The following STK38L variants were observed in gnomAD, a reference collection of about 807,000 sequenced individuals.
STK38L encodes the protein serine/threonine-protein kinase 38-like.
A neutral mutation model predicts 59.7 loss-of-function variants in STK38L; 28 were observed. The ratio of observed to expected loss-of-function variants is 0.47; its 90% confidence interval spans 0.35 to 0.64. The LOEUF (loss-of-function observed/expected upper bound fraction) is 0.64. Ranked by LOEUF, STK38L falls within the 30% of genes least tolerant of loss-of-function variation. The pLI is 0.01. For missense variants in STK38L, 314 were observed against 555.8 expected (o/e 0.56, Z 4.37); for synonymous variants, 162 against 176.8 (o/e 0.92, Z 0.66).
chr12:27,305,074 TG>T (rs1285121424), intron 3 of STK38L, among the ~76,000 whole-genome samples: 2 of 152,344 alleles, frequency 1.3e-5, no homozygotes, highest in Admixed American at 1.3e-4. Flanking sequence ...TGGTGGGGAC[TG>T]ACAAATTAGG....
chr12:27,253,724 G>A (rs1943026447), intron 1 of STK38L, among the ~76,000 whole-genome samples: 1 of 152,194 alleles, frequency 6.6e-6, no homozygotes, highest in African/African-American at 2.4e-5. Flanking sequence ...CTTGAAGGGT[G>A]AGGAGGAGTG....
At chr12:27,310,510 G>A (rs111688149) in intron 5 of STK38L, among the ~76,000 whole-genome samples, 4,465 of 151,878 alleles carry the variant, frequency 0.029, 93 homozygotes, top group South Asian at 0.095. Flanking sequence ...GCCACATGTG[G>A]CTACTGGGCA....
At chr12:27,288,146 G>A (rs868019218) in intron 1 of STK38L, among the ~76,000 whole-genome samples, 2 of 152,024 alleles carry the variant, frequency 1.3e-5, no homozygotes, top group Non-Finnish European at 2.9e-5. Context: ...CCTTCCAAAG[G>A]GGTTACAGAG....
At position 27,325,378 on chromosome 12, in the gene STK38L, TA is replaced by T. The variant is rs1944817264; in HGVS notation, c.*2924del. 1 of 152,208 alleles carries T rather than the reference TA, an allele frequency of 6.6e-6. No homozygotes were observed. Among genetic ancestry groups the T allele is most frequent in the African/African-American group, 2.4e-5 (1 of 41,464 alleles). 9.4% of individuals were successfully genotyped at this position (152,208 alleles called of 1,614,324 possible). A position where few individuals can be genotyped will look rare whatever the true frequency, so the allele number is the denominator to read the frequency against. On this transcript the variant is annotated 3_prime_UTR_variant, in exon 14 of 14. Transcript: ENST00000389032. ...TTTATGTAAATCTCTAAATTTAAAA[TA>T]TTTTAAGTACATTTATTTTTGGTGT... is the stretch of plus-strand genomic sequence containing the variant.
chr12:27,313,412 C>A (rs1481155467), intron 6 of STK38L, among the ~76,000 whole-genome samples: 1 of 152,044 alleles, frequency 6.6e-6, no homozygotes, highest in African/African-American at 2.4e-5. Context: ...GATGAAGTCT[C>A]GCTCTGTTGC....
intron 1 of STK38L, among the ~76,000 whole-genome samples, chr12:27,296,073 G>T (rs1451223972): frequency 6.6e-6 from 1 of 152,198 alleles, no homozygotes; most frequent in Non-Finnish European, 1.5e-5. Flanking sequence ...CCAAACTTCA[G>T]TTCCCTACTT....
At chr12:27,292,107 A>T (rs1943909757) in intron 1 of STK38L, among the ~76,000 whole-genome samples, 1 of 152,234 alleles carries the variant, frequency 6.6e-6, no homozygotes, top group Non-Finnish European at 1.5e-5. Flanking sequence ...TGTTGTTTTT[A>T]TCAGTCCAGG....
chr12:27,258,398 C>T (rs2136607433), intron 1 of STK38L, among the ~76,000 whole-genome samples: 1 of 152,044 alleles, frequency 6.6e-6, no homozygotes, highest in South Asian at 2.1e-4. Context: ...GATCTCGGCT[C>T]ACTGCAACTA....
chr12:27,309,151 A>G lies in STK38L; in HGVS notation c.347A>G (p.Tyr116Cys). Residue 116 changes from tyrosine (Y) to cysteine (C), a missense_variant, in exon 5 of 14, where the codon TAT becomes TGT. Physicochemically the swap from Tyr to Cys is radical, Grantham distance 194. This residue lies in a region of STK38L where 192 missense variants were observed against 316.9 expected (regional missense o/e 0.61). Coordinates refer to ENST00000389032, the MANE Select transcript of STK38L (RefSeq NM_015000.4). ...LVQKKDTGHI[Y>C]AMKILRKSDM... ...CAGAAGAAAGATACAGGCCATATCT[A>G]TGCAATGAAGATATTGAGAAAGTCT... The G allele has an allele frequency of 1.9e-6, 3 of 1,604,648 alleles. No homozygotes were observed. Among genetic ancestry groups the G allele is most frequent in the East Asian group, 2.3e-5 (1 of 44,336 alleles).
chr12:27,307,109 A>C (rs1447535628), intron 3 of STK38L, among the ~76,000 whole-genome samples: 1 of 152,196 alleles, frequency 6.6e-6, no homozygotes, highest in Non-Finnish European at 1.5e-5. Flanking sequence ...GTATTTTATA[A>C]TCAATATCAG....
intron 1 of STK38L, among the ~76,000 whole-genome samples, chr12:27,286,805 C>G (rs1943782982): frequency 6.6e-6 from 1 of 152,140 alleles, no homozygotes; most frequent in Non-Finnish European, 1.5e-5. Context: ...ATAGGGTGGA[C>G]AGAAAGGCAC....
At chr12:27,275,205 C>T (rs1204627026) in intron 1 of STK38L, among the ~76,000 whole-genome samples, 1 of 152,186 alleles carries the variant, frequency 6.6e-6, no homozygotes, top group Non-Finnish European at 1.5e-5. Context: ...CCCCTTCATA[C>T]AAAATTATTT....
At position 27,322,578 on chromosome 12, in the gene STK38L, GA is replaced by G; in HGVS notation, c.*126del. 1.5e-6 allele frequency: 2 copies of G among 1,332,040 alleles called. No homozygotes were observed. Among genetic ancestry groups the G allele is most frequent in the Non-Finnish European group, 2.0e-6 (2 of 1,005,136 alleles). 82.5% of individuals were successfully genotyped at this position (1,332,040 alleles called of 1,614,324 possible). A position where few individuals can be genotyped will look rare whatever the true frequency, so the allele number is the denominator to read the frequency against. On this transcript the variant is annotated 3_prime_UTR_variant, in exon 14 of 14. Transcript: ENST00000389032. Reference sequence around the variant, plus strand: ...TGGTGGTGCTTATTGACTACAAGAGGAAATTCTACAGGATTAGGATTTCTAA... The same window carrying G: ...TGGTGGTGCTTATTGACTACAAGAGGAATTCTACAGGATTAGGATTTCTAA...
At chr12:27,317,807 T>G (rs544298562) in intron 10 of STK38L, 89 bp from the exon 11 acceptor site, 20 of 1,519,414 alleles carry the variant, frequency 1.3e-5, no homozygotes, top group East Asian at 6.8e-5. Context: ...CACTCAGGGT[T>G]GTTTGGTTTC....
At chr12:27,253,122 G>A (rs750716913) in intron 1 of STK38L, among the ~76,000 whole-genome samples, 3 of 152,196 alleles carry the variant, frequency 2.0e-5, no homozygotes, top group Non-Finnish European at 4.4e-5. Flanking sequence ...GCCACGCAGA[G>A]GGATTAGCAT....
At chr12:27,259,204 T>A (rs1367801210) in intron 1 of STK38L, among the ~76,000 whole-genome samples, 1 of 152,224 alleles carries the variant, frequency 6.6e-6, no homozygotes, top group African/African-American at 2.4e-5. Context: ...TCTTTTGCCA[T>A]GTTCATTTTC....
rs1164665821 is a variant in STK38L at position 27,325,900 on chromosome 12, G to T, written c.*3445G>T. Reference sequence around the variant, plus strand: ...GTTACTGAGTTTCAAAAATGTTTTGGTGGCATGAGGACAAAATTTCATTGA... The same window carrying T: ...GTTACTGAGTTTCAAAAATGTTTTGTTGGCATGAGGACAAAATTTCATTGA... On this transcript the variant is annotated 3_prime_UTR_variant, in exon 14 of 14. Transcript: ENST00000389032. 1 of 152,128 alleles carries T rather than the reference G, an allele frequency of 6.6e-6. No homozygotes were observed. Among genetic ancestry groups the T allele is most frequent in the Non-Finnish European group, 1.5e-5 (1 of 68,014 alleles). 9.4% of individuals were successfully genotyped at this position (152,128 alleles called of 1,614,324 possible).
At chr12:27,278,887 A>C (rs1201873438) in intron 1 of STK38L, among the ~76,000 whole-genome samples, 1 of 152,232 alleles carries the variant, frequency 6.6e-6, no homozygotes, top group East Asian at 1.9e-4. Flanking sequence ...GATAGGGACC[A>C]AATCAAAATC....
intron 3 of STK38L, among the ~76,000 whole-genome samples, chr12:27,306,353 TA>T (rs57053659): frequency 8.6e-5 from 13 of 151,088 alleles, no homozygotes; most frequent in African/African-American, 3.2e-4. Flanking sequence ...TTTATGTAAT[TA>T]AAAAAAAACC....
Sources: allele counts gnomAD v4.1 joint callset (sites outside exome capture counted in the v4.1 genomes callset), GRCh38; gene constraint gnomAD v4.1.1; regional missense constraint gnomAD v4.1.1; transcripts MANE v1.5; gene names NCBI Gene and HGNC (gene_info 2026-07-23, HGNC 2026-07-21).